Variants in NOC3L observed in about 807,000 individuals in gnomAD.
NOC3L encodes nucleolar complex protein 3 homolog.
NOC3L carries 85 observed loss-of-function variants against 102.5 expected under a neutral mutation model. The ratio of observed to expected loss-of-function variants is 0.83; its 90% CI spans 0.70 to 0.99. The LOEUF (loss-of-function observed/expected upper bound fraction) is 0.99, where lower values mean the gene tolerates loss of function less well. NOC3L is among the 50% of genes least tolerant of loss of function. The probability of loss-of-function intolerance (pLI) is 0.00; values close to 1 mark genes in which losing one functional copy is unlikely to be tolerated. For synonymous variants in NOC3L, 303 were observed against 309.4 expected (o/e 0.98, Z 0.22); for missense variants, 878 against 914.9 (o/e 0.96, Z 0.52).
At chr10:94,355,367 A>G (rs550829805) in intron 5 of NOC3L, among the ~76,000 whole-genome samples, 22 of 152,184 alleles carry the variant, frequency 1.4e-4, no homozygotes, top group African/African-American at 5.1e-4. Flanking sequence ...ATAGGATTCA[A>G]ACTCAGGCAG....
At chr10:94,321,774 G>C in the NOC3L span, 1 of 689,452 alleles carries the variant, frequency 1.5e-6, no homozygotes, top group Admixed American at 2.3e-5. Context: ...TAATAACATA[G>C]TATATGAGAT....
In NOC3L at chr10:94,337,821, T is replaced by C. The variant is rs779877179; in HGVS notation, c.2145A>G (p.Ala715=). 8 of 1,613,956 alleles carry C rather than the reference T, an allele frequency of 5.0e-6. No individual in the cohort carries two copies. Among genetic ancestry groups the C allele is most frequent in the Admixed American group, 3.3e-5 (2 of 59,996 alleles). ...QRFAAHLIAG[A]PSEGSGALKP... is the part of the protein sequence containing the mutation. The stretch of plus-strand genomic sequence containing the variant: ...TGAGTGCTCCAGAGCCTTCAGAAGG[T>C]GCTCCAGCGATCAGGTGGGCTGCAA... Residue 715 remains alanine, a synonymous_variant, in exon 19 of 21, where the codon GCA becomes GCG. Transcript: ENST00000371361.
chr10:94,355,555 A>AT (rs1446110656), intron 5 of NOC3L, among the ~76,000 whole-genome samples: 3 of 151,472 alleles, frequency 2.0e-5, no homozygotes, highest in Non-Finnish European at 4.4e-5. Flanking sequence ...TACCCAGCTA[A>AT]TTTTTGTGTT....
At chr10:94,349,226 C>T in intron 10 of NOC3L, 24 bp downstream of exon 10, 1 of 1,558,308 alleles carries the variant, frequency 6.4e-7, no homozygotes, top group Non-Finnish European at 8.6e-7. Flanking sequence ...AAACAAAATG[C>T]AAAGTAAAAA....
chr10:94,341,291 A>G (rs1412499387), intron 14 of NOC3L, among the ~76,000 whole-genome samples: 3 of 152,118 alleles, frequency 2.0e-5, no homozygotes, highest in Non-Finnish European at 4.4e-5. Flanking sequence ...CTAGGAGGGA[A>G]GAATTTGAAT....
chr10:94,319,864 C>CTTTTTTTTTTTTT, the NOC3L span, among the ~76,000 whole-genome samples: 876 of 92,894 alleles, frequency 9.4e-3, 44 homozygotes, highest in East Asian at 0.017. Context: ...CAAAGGTGCT[C>CTTTTTTTTTTTTT]TTTTTTTTTT....
rs774737462 is a variant in NOC3L, at chr10:94,350,242, C to T, written c.999G>A (p.Lys333=). 1.2e-6 allele frequency: 2 copies of T among 1,614,144 alleles called. No individual in the cohort carries two copies. The highest frequency in any genetic ancestry group is 2.2e-5 in the South Asian group (2 of 91,078). ...CGACTTCTGCCAGTCCTTTGTATGC[C>T]TTTAAGGAAACTACATTACTTTTCT... ...KLKKSNVVSL[K]AYKGLAEVAV... Residue 333 remains lysine (K), a synonymous_variant, in exon 9 of 21, where the codon AAG becomes AAA. Transcript: ENST00000371361.
intron 2 of NOC3L, among the ~76,000 whole-genome samples, chr10:94,359,430 A>G (rs534319147): frequency 6.6e-6 from 1 of 152,104 alleles, no homozygotes; most frequent in Non-Finnish European, 1.5e-5. Flanking sequence ...AGCCTGGGCA[A>G]CAAGTGTGAA....
intron 12 of NOC3L, 108 bp downstream of exon 12, chr10:94,344,745 G>T: frequency 1.1e-6 from 1 of 871,716 alleles, no homozygotes; most frequent in Non-Finnish European, 1.8e-6. Flanking sequence ...ACACATCTAA[G>T]CCTCATGAAA....
intron 6 of NOC3L, 106 bp from the exon 7 acceptor site, chr10:94,353,163 C>T (rs1433034296): frequency 5.7e-6 from 5 of 876,022 alleles, no homozygotes; most frequent in Non-Finnish European, 1.8e-6. Flanking sequence ...CACACAATGA[C>T]TCCAAGTCTA....
the NOC3L span, among the ~76,000 whole-genome samples, chr10:94,320,325 G>GA: frequency 2.6e-5 from 4 of 151,846 alleles, no homozygotes; most frequent in East Asian, 7.7e-4. Context: ...TTCACTCATT[G>GA]AAAAAAGTTA....
the NOC3L span, chr10:94,325,109 A>G: frequency 6.3e-7 from 1 of 1,593,866 alleles, no homozygotes; most frequent in South Asian, 1.1e-5. Context: ...ACCCAGGTAT[A>G]GTAAGTCATT....
chr10:94,334,247 C>T lies in NOC3L; in HGVS notation c.2333G>A (p.Arg778Lys), dbSNP rs376336354. Residue 778 changes from arginine to lysine, a missense_variant, in exon 21 of 21, where the codon AGA becomes AAA. Transcript: ENST00000371361. ...TTCAGTAGCAACTTCACTGGAGTATCTTTTGATTAGCTGATTTAAATCTTC... is the reference window on the plus strand; with the variant it reads ...TTCAGTAGCAACTTCACTGGAGTATTTTTTGATTAGCTGATTTAAATCTTC... ...LNEDLNQLIK[R>K]YSSEVATESP... 10 of 1,611,564 alleles carry T rather than the reference C, an allele frequency of 6.2e-6. No homozygotes were observed. The highest frequency in any genetic ancestry group is 8.5e-6 in the Non-Finnish European group (10 of 1,178,588).
Position 94,355,391 on chromosome 10 carries a change from C to CT in NOC3L, c.566-299dup, listed in dbSNP as rs200203754. Among the ~76,000 whole-genome samples the CT allele has an allele frequency of 3.0e-3, 414 of 139,632 alleles. 2 individuals carry two copies. Among genetic ancestry groups the CT allele is most frequent in the Middle Eastern group, 0.016 (4 of 258 alleles). The allele number at this position is 139,632 out of a possible 152,430, so 91.6% of individuals were successfully genotyped here. A position where few individuals can be genotyped will look rare whatever the true frequency, so the allele number is the denominator to read the frequency against. On this transcript the variant is annotated intron_variant, in intron 5 of 20. Coordinates refer to ENST00000371361, the MANE Select transcript of NOC3L (RefSeq NM_022451.11). Reference sequence around the variant, plus strand: ...AAACTCAGGCAGTCTGATTCTAGAACTTTTTTTTTTTTTTTTTGAGACAGG... The same window carrying CT: ...AAACTCAGGCAGTCTGATTCTAGAACTTTTTTTTTTTTTTTTTTGAGACAGG...
chr10:94,334,438 T>C, intron 20 of NOC3L, 133 bp from the exon 21 acceptor site: 1 of 669,638 alleles, frequency 1.5e-6, no homozygotes, highest in Non-Finnish European at 2.6e-6. Context: ...GGTAAGGTCT[T>C]GGACATATCC....
chr10:94,332,974 T>G (rs2054177135), downstream of NOC3L, among the ~76,000 whole-genome samples: 1 of 152,156 alleles, frequency 6.6e-6, no homozygotes, highest in Non-Finnish European at 1.5e-5. Context: ...TAATCAAGCC[T>G]TAAAAAATGT....
chr10:94,339,761 G>C lies in NOC3L; in HGVS notation c.1940C>G (p.Ala647Gly), dbSNP rs753129439. ...VLPNSSIGIL[A>G]TTRILMHTFP... ...TACATGCATTAATATTCTGGTAGTT[G>C]CTAAAATGCCAATACTTGAATTTGG... The change falls in exon 17 of 21, where the codon GCA becomes GGA. Residue 647 changes from alanine to glycine, a missense_variant. Coordinates refer to ENST00000371361, the MANE Select transcript of NOC3L (RefSeq NM_022451.11). 2 of 1,613,794 alleles carry C rather than the reference G, an allele frequency of 1.2e-6. No individual in the cohort carries two copies. Among genetic ancestry groups the C allele is most frequent in the East Asian group, 2.2e-5 (1 of 44,876 alleles).
chr10:94,361,000 G>A (rs565274719), intron 2 of NOC3L, among the ~76,000 whole-genome samples: 1 of 152,070 alleles, frequency 6.6e-6, no homozygotes, highest in Non-Finnish European at 1.5e-5. Context: ...GACAGAACAA[G>A]ACCCTGTCTA....
chr10:94,351,839 T>C (rs2134003692), intron 8 of NOC3L, among the ~76,000 whole-genome samples: 1 of 152,238 alleles, frequency 6.6e-6, no homozygotes, highest in South Asian at 2.1e-4. Flanking sequence ...CTAGTTATCC[T>C]TCTTCCCTGA....
Sources: gnomAD v4.1 joint callset for allele counts (sites outside exome capture counted in the v4.1 genomes callset) on GRCh38, gnomAD v4.1.1 for gene constraint, MANE v1.5 for transcripts, NCBI Gene and HGNC (gene_info 2026-07-23, HGNC 2026-07-21) for gene names.